SGCG: variants seen among roughly 807,000 people sequenced by gnomAD.
The protein encoded by SGCG is sarcoglycan gamma, also known as gamma-sarcoglycan.
SGCG carries 26 observed loss-of-function variants against 29.3 expected under a neutral mutation model. The ratio of observed to expected loss-of-function variants is 0.89; its 90% CI spans 0.65 to 1.23. The LOEUF (loss-of-function observed/expected upper bound fraction) is 1.23. SGCG is among the 50% of genes most tolerant of loss of function. The probability of loss-of-function intolerance (pLI) is 0.00; values close to 1 mark genes in which losing one functional copy is unlikely to be tolerated. For missense variants in SGCG, 353 were observed against 356.0 expected (o/e 0.99, Z 0.07); for synonymous variants, 145 against 129.7 (o/e 1.12, Z -0.80).
At chr13:23,302,669 A>AT (rs1882208045) in intron 6 of SGCG, among the ~76,000 whole-genome samples, 1 of 66,692 alleles carries the variant, frequency 1.5e-5, no homozygotes, top group South Asian at 5.4e-4. Flanking sequence ...TAATTTTTAA[A>AT]AGAAAAAATC....
chr13:23,225,454 CT>C (rs1189326435), intron 2 of SGCG, among the ~76,000 whole-genome samples: 1 of 152,182 alleles, frequency 6.6e-6, no homozygotes, highest in Admixed American at 6.5e-5. Context: ...TGCACATCCA[CT>C]TGGACTCATA....
At chr13:23,257,479 T>C (rs1233402934) in intron 4 of SGCG, among the ~76,000 whole-genome samples, 1 of 152,130 alleles carries the variant, frequency 6.6e-6, no homozygotes, top group African/African-American at 2.4e-5. Flanking sequence ...GCAAAAATTT[T>C]CTCCCATTCT....
chr13:23,162,255 T>C, the SGCG span, among the ~76,000 whole-genome samples: 3 of 152,344 alleles, frequency 2.0e-5, no homozygotes, highest in African/African-American at 7.2e-5. Flanking sequence ...TTAATCAGCA[T>C]CATTATGTTA....
At chr13:23,300,074 A>G (rs1882092446) in intron 6 of SGCG, among the ~76,000 whole-genome samples, 1 of 152,158 alleles carries the variant, frequency 6.6e-6, no homozygotes, top group Non-Finnish European at 1.5e-5. Context: ...TACCCCAGAA[A>G]AGGGAGGAGT....
At chr13:23,179,279 G>C (rs1189972297), upstream of SGCG, among the ~76,000 whole-genome samples, 1 of 152,140 alleles carries the variant, frequency 6.6e-6, no homozygotes, top group Non-Finnish European at 1.5e-5. Flanking sequence ...AAAATCAAAG[G>C]CTTCTTTATG....
At position 23,295,499 on chromosome 13, in the gene SGCG, T is replaced by C; in HGVS notation, c.578+12T>C. 6.3e-7 allele frequency: 1 copy of C among 1,592,102 alleles called. No individual in the cohort carries two copies. The highest frequency in any genetic ancestry group is 8.6e-7 in the Non-Finnish European group (1 of 1,159,852). ...TTTCAAGACCTTAGGTAAGAATTTT[T>C]GTTCAAATATTAACAACCTCTCCTG... On this transcript the variant is annotated intron_variant, in intron 6 of 7. Transcript: ENST00000218867.
At chr13:23,247,366 T>G (rs1879754338) in intron 3 of SGCG, among the ~76,000 whole-genome samples, 1 of 152,268 alleles carries the variant, frequency 6.6e-6, no homozygotes, top group African/African-American at 2.4e-5. Context: ...TGCTTCTGGC[T>G]GGTAGGGTGG....
upstream of SGCG, among the ~76,000 whole-genome samples, chr13:23,177,915 C>G (rs1366169353): frequency 6.6e-6 from 1 of 151,958 alleles, no homozygotes; most frequent in Non-Finnish European, 1.5e-5. Flanking sequence ...TATAGTTCAT[C>G]AGTAGAAAAA....
chr13:23,292,138 C>A (rs1327814854), intron 5 of SGCG, among the ~76,000 whole-genome samples: 1 of 119,582 alleles, frequency 8.4e-6, no homozygotes, highest in East Asian at 2.2e-4. Context: ...GAGATAGAGT[C>A]TTACTTTGTT....
intron 5 of SGCG, among the ~76,000 whole-genome samples, chr13:23,286,597 G>T (rs1259025723): frequency 1.3e-5 from 2 of 152,196 alleles, no homozygotes; most frequent in African/African-American, 4.8e-5. Context: ...TATATATGCT[G>T]CACTGTGTTT....
rs1436482326 is a variant in SGCG at position 23,265,121 on chromosome 13, AACAG to A, written c.386-14233_386-14230del. Among the ~76,000 whole-genome samples the A allele has an allele frequency of 7.9e-5, 12 of 152,222 alleles. No homozygotes were observed. In the South Asian group the frequency reaches 8.3e-4, roughly 11 times the overall value. Reference sequence around the variant, plus strand: ...AGCAAAATAAATACTCATCAGAGTAAACAGACAGCCTATAGAATGGGAGAAAATA... The same window carrying A: ...AGCAAAATAAATACTCATCAGAGTAAACAGCCTATAGAATGGGAGAAAATA... On this transcript the variant is annotated intron_variant, in intron 4 of 7. Transcript: ENST00000218867.
intron 1 of SGCG, among the ~76,000 whole-genome samples, chr13:23,181,787 C>A (rs1378508337): frequency 6.6e-6 from 1 of 150,542 alleles, no homozygotes; most frequent in East Asian, 2.0e-4. Context: ...CTAGCAAACA[C>A]AATTTTTTTA....
chr13:23,209,569 C>T (rs1878114017), intron 2 of SGCG, among the ~76,000 whole-genome samples: 1 of 152,108 alleles, frequency 6.6e-6, no homozygotes, highest in Admixed American at 6.5e-5. Flanking sequence ...TGCAAGTGAC[C>T]ACAGGCTGTC....
chr13:23,266,928 T>C (rs1356171578), intron 4 of SGCG, among the ~76,000 whole-genome samples: 2 of 152,134 alleles, frequency 1.3e-5, no homozygotes, highest in African/African-American at 2.4e-5. Context: ...AGGAATTTCT[T>C]TGTAGCAATG....
At chr13:23,240,292 T>C (rs1227480452) in intron 3 of SGCG, among the ~76,000 whole-genome samples, 2 of 152,164 alleles carry the variant, frequency 1.3e-5, no homozygotes, top group African/African-American at 2.4e-5. Flanking sequence ...TAAACACTCA[T>C]GAATCCACTA....
intron 1 of SGCG, among the ~76,000 whole-genome samples, chr13:23,183,147 G>A (rs1399689464): frequency 6.6e-6 from 1 of 152,140 alleles, no homozygotes; most frequent in Non-Finnish European, 1.5e-5. Context: ...TTCTTCATTT[G>A]TAAGGTGAGA....
At chr13:23,195,606 G>C (rs1176613289) in intron 1 of SGCG, among the ~76,000 whole-genome samples, 1 of 151,976 alleles carries the variant, frequency 6.6e-6, no homozygotes, top group African/African-American at 2.4e-5. Context: ...AAATGGCAGA[G>C]TTTGCCATTT....
At chr13:23,283,749 G>C (rs573033358) in intron 5 of SGCG, among the ~76,000 whole-genome samples, 2 of 152,164 alleles carry the variant, frequency 1.3e-5, no homozygotes, top group Admixed American at 1.3e-4. Context: ...GCAGTGGCTG[G>C]TACCGGTTTT....
the SGCG span, among the ~76,000 whole-genome samples, chr13:23,171,183 G>T: frequency 6.6e-6 from 1 of 152,016 alleles, no homozygotes; most frequent in South Asian, 2.1e-4. Context: ...ATTTCTTTTT[G>T]ATAAATTCAC....
Sources: gnomAD v4.1 joint callset for allele counts (sites outside exome capture counted in the v4.1 genomes callset) on GRCh38, gnomAD v4.1.1 for gene constraint, MANE v1.5 for transcripts, NCBI Gene and HGNC (gene_info 2026-07-23, HGNC 2026-07-21) for gene names.